Variants in GFI1B observed in about 807,000 individuals in gnomAD.
GFI1B encodes growth factor independent 1B transcriptional repressor.
GFI1B carries 20 observed loss-of-function variants against 35.3 expected under a neutral mutation model. That is an observed-to-expected ratio of 0.57 (90% confidence interval 0.40 to 0.82). GFI1B has a LOEUF of 0.82. GFI1B is among the 40% of genes least tolerant of loss of function. GFI1B has a pLI of 0.00. For missense variants in GFI1B, 430 were observed against 446.3 expected, an observed-to-expected ratio of 0.96 and a Z score of 0.33; for synonymous variants, 178 against 177.6, an observed-to-expected ratio of 1.00 and a Z score of -0.02.
chr9:132,970,857 A>T (rs1289146433), intron 1 of GFI1B, among the ~76,000 whole-genome samples: 2 of 152,114 alleles, frequency 1.3e-5, no homozygotes. Context: ...TCAAGAGTTT[A>T]TGGGGCGGTA....
intron 1 of GFI1B, among the ~76,000 whole-genome samples, chr9:132,982,071 A>G (rs1848845171): frequency 1.3e-5 from 2 of 152,216 alleles, no homozygotes; most frequent in Non-Finnish European, 2.9e-5. Flanking sequence ...GTCTTTAAAC[A>G]TAAAGGAAGT....
At chr9:132,990,250 CTCAT>C (rs112351627) in intron 6 of GFI1B, among the ~76,000 whole-genome samples, 23,065 of 148,426 alleles carry the variant, frequency 0.16, 2,064 homozygotes, top group East Asian at 0.27. Flanking sequence ...CACTCATTTG[CTCAT>C]TCATTTGTTC....
Position 132,989,297 on chromosome 9 carries a change from G to A in GFI1B, c.648+99G>A. ...TGGCTGGGTCCCTCCCCCTGCCCCT[G>A]GGGGTGACACAGATTGGGAGGGGTC... On this transcript the variant is annotated intron_variant, in intron 5 of 6. Transcript: ENST00000372122. The surrounding 1 kb of genome is among the most constrained non-coding windows in gnomAD (Gnocchi z 6.2). 1 of 1,223,146 alleles carries A rather than the reference G, an allele frequency of 8.2e-7. No homozygotes were observed. Among genetic ancestry groups the A allele is most frequent in the Non-Finnish European group, 1.2e-6 (1 of 845,050 alleles). 75.8% of individuals were successfully genotyped at this position (1,223,146 alleles called of 1,614,324 possible).
At chr9:132,986,583 C>G (rs1380180883) in intron 1 of GFI1B, 76 bp from the exon 2 acceptor site, 6 of 770,386 alleles carry the variant, frequency 7.8e-6, no homozygotes, top group South Asian at 1.5e-5. Context: ...TGTTTTATCT[C>G]AGGAGGAGGT....
At chr9:132,967,455 G>GCT (rs1848466040) in intron 1 of GFI1B, among the ~76,000 whole-genome samples, 1 of 152,118 alleles carries the variant, frequency 6.6e-6, no homozygotes, top group African/African-American at 2.4e-5. Flanking sequence ...GGCAGGGGGT[G>GCT]CTCTTCCATC....
At chr9:132,982,799 G>A (rs1021824114) in intron 1 of GFI1B, among the ~76,000 whole-genome samples, 2 of 152,116 alleles carry the variant, frequency 1.3e-5, no homozygotes, top group African/African-American at 4.8e-5. Context: ...GGCGTTGGCT[G>A]TGTCACTGTC....
chr9:132,985,176 G>A (rs1311905968), intron 1 of GFI1B, among the ~76,000 whole-genome samples: 2 of 152,232 alleles, frequency 1.3e-5, no homozygotes, highest in African/African-American at 2.4e-5. Flanking sequence ...GCTCTCCAGA[G>A]TGCCCGGGGG....
chr9:132,982,449 G>A (rs1848861082), intron 1 of GFI1B, among the ~76,000 whole-genome samples: 1 of 152,208 alleles, frequency 6.6e-6, no homozygotes, highest in African/African-American at 2.4e-5. Context: ...AGGGTCGCCT[G>A]TCTTCAAGAA....
intron 1 of GFI1B, among the ~76,000 whole-genome samples, chr9:132,985,616 G>T (rs1849019557): frequency 6.6e-6 from 1 of 152,168 alleles, no homozygotes; most frequent in Non-Finnish European, 1.5e-5. Context: ...CTTGCGGCTT[G>T]CAGGAGCACG....
chr9:132,974,038 C>A (rs1362828311), upstream of GFI1B, among the ~76,000 whole-genome samples: 1 of 152,150 alleles, frequency 6.6e-6, no homozygotes, highest in Non-Finnish European at 1.5e-5. Context: ...GGTTCCTAGG[C>A]CCAGAGATAA....
chr9:132,981,553 G>A (rs540439377), intron 1 of GFI1B, among the ~76,000 whole-genome samples: 3 of 152,134 alleles, frequency 2.0e-5, no homozygotes, highest in Admixed American at 1.3e-4. Flanking sequence ...TGGGAGGATC[G>A]CTTGGGCCTG....
In GFI1B at chr9:132,987,329, T is replaced by C. The variant is rs139685732; in HGVS notation, c.148T>C (p.Phe50Leu). Reference sequence around the variant, plus strand: ...CAACAGCCCTGTCCTTAGCACTCTATTCCCAAACCAGTGCCTGGACTGGAC... The same window carrying C: ...CAACAGCCCTGTCCTTAGCACTCTACTCCCAAACCAGTGCCTGGACTGGAC... ...PSNSPVLSTL[F>L]PNQCLDWTNL... The change falls in exon 3 of 7, where the codon TTC (phenylalanine) becomes CTC (leucine). Residue 50 changes from phenylalanine (F) to leucine (L), a missense_variant. Phe to Leu is a conservative substitution (Grantham distance 22, BLOSUM62 0). Transcript: ENST00000372122. 4.0e-4 allele frequency: 642 copies of C among 1,614,216 alleles called. 4 individuals carry two copies. In the African/African-American group the frequency reaches 7.5e-3, roughly 19 times the overall value.
downstream of GFI1B, among the ~76,000 whole-genome samples, chr9:132,991,863 G>C (rs1179261433): frequency 6.6e-6 from 1 of 152,080 alleles, no homozygotes; most frequent in African/African-American, 2.4e-5. Flanking sequence ...TGACGAGCCA[G>C]GAGCAAGCAG....
intron 1 of GFI1B, among the ~76,000 whole-genome samples, chr9:132,955,316 G>T (rs1298241662): frequency 4.6e-5 from 7 of 151,976 alleles, no homozygotes; most frequent in East Asian, 3.9e-4. Flanking sequence ...TTGAGACAGG[G>T]TCTTACTCTG....
intron 1 of GFI1B, among the ~76,000 whole-genome samples, chr9:132,980,512 A>G (rs555489299): frequency 4.0e-4 from 61 of 152,274 alleles, no homozygotes; most frequent in African/African-American, 1.4e-3. Flanking sequence ...TTTTATTTTG[A>G]TAAAATACAT....
chr9:132,987,445 T>A, intron 3 of GFI1B, 26 bp downstream of exon 3: 4 of 1,613,956 alleles, frequency 2.5e-6, no homozygotes, highest in Non-Finnish European at 3.4e-6. Context: ...CCACTGTCAT[T>A]CCCCAGGGAG....
chr9:132,959,759 A>T (rs1848337603), intron 1 of GFI1B, among the ~76,000 whole-genome samples: 1 of 152,168 alleles, frequency 6.6e-6, no homozygotes, highest in African/African-American at 2.4e-5. Flanking sequence ...TCTGGTGGTC[A>T]CTGGCCATGC....
chr9:132,992,234 CT>C (rs140026570), downstream of GFI1B, among the ~76,000 whole-genome samples: 614 of 152,290 alleles, frequency 4.0e-3, 5 homozygotes, highest in African/African-American at 0.014. Context: ...TCTTGCCTCT[CT>C]CTTATAAAGA....
At chr9:132,986,037 T>C (rs190891365) in intron 1 of GFI1B, among the ~76,000 whole-genome samples, 2 of 152,328 alleles carry the variant, frequency 1.3e-5, no homozygotes, top group Admixed American at 6.5e-5. Context: ...GATGCATTCA[T>C]TTCCTGGTGA....
Sources: gnomAD v4.1 joint callset for allele counts (sites outside exome capture counted in the v4.1 genomes callset) on GRCh38, gnomAD v4.1.1 for gene constraint, Gnocchi (gnomAD v3.1) non-coding constraint, MANE v1.5 for transcripts, NCBI Gene and HGNC (gene_info 2026-07-23, HGNC 2026-07-21) for gene names.